Variants in ADAMTS14 observed in about 807,000 individuals in gnomAD.
ADAMTS14 encodes the protein A disintegrin and metalloproteinase with thrombospondin motifs 14.
A neutral mutation model predicts 128.6 loss-of-function variants in ADAMTS14; 100 were observed. The ratio of observed to expected loss-of-function variants is 0.78; its 90% CI spans 0.66 to 0.92. The LOEUF is 0.92. Ranked by LOEUF, ADAMTS14 falls within the 40% of genes least tolerant of loss-of-function variation. The pLI is 0.00. For missense variants in ADAMTS14, 1,562 were observed against 1,658.6 expected (o/e 0.94, Z 1.01); for synonymous variants, 665 against 653.8 (o/e 1.02, Z -0.26).
Position 70,741,073 on chromosome 10 carries a change from A to T in ADAMTS14, c.1835A>T (p.Asp612Val), listed in dbSNP as rs1287179571. ...GAGGAGTGCCCTGGGACCTACGAGG[A>T]CTTCCGGGCCCAGCAGTGTGCCAAG... is the stretch of plus-strand genomic sequence containing the variant. Reference protein sequence around the residue: ...NSEECPGTYEDFRAQQCAKRN... With the variant: ...NSEECPGTYEVFRAQQCAKRN... Residue 612 changes from aspartate to valine, a missense_variant, in exon 12 of 22, where the codon GAC becomes GTC. Physicochemically the swap from Asp to Val is radical, Grantham distance 152. Coordinates refer to ENST00000373207, the MANE Select transcript of ADAMTS14 (RefSeq NM_080722.4). 6.2e-7 allele frequency: 1 copy of T among 1,613,920 alleles called. No individual in the cohort carries two copies. Among genetic ancestry groups the T allele is most frequent in the Admixed American group, 1.7e-5 (1 of 60,018 alleles).
At chr10:70,715,563 CAATG>C (rs777206275) in intron 4 of ADAMTS14, among the ~76,000 whole-genome samples, 4 of 152,146 alleles carry the variant, frequency 2.6e-5, no homozygotes, top group South Asian at 4.2e-4. Context: ...ATGGGAAAAA[CAATG>C]AAACCCACTG....
Position 70,741,007 on chromosome 10 carries a change from T to C in ADAMTS14, c.1769T>C (p.Leu590Pro), listed in dbSNP as rs10823607. 0.86 allele frequency: 1,381,226 copies of C among 1,613,930 alleles called. 593,328 individuals are homozygous for C. Among genetic ancestry groups the C allele is most frequent in the East Asian group, 0.92 (41,351 of 44,874 alleles). ...NNPSPAYGGR[L>P]CLGPMFEYQV... is the part of the protein sequence containing the mutation. Reference sequence around the variant, plus strand: ...CCCAGCCCAGCCTATGGAGGCCGCCTGTGCTTAGGGCCCATGTTCGAGTAC... The same window carrying C: ...CCCAGCCCAGCCTATGGAGGCCGCCCGTGCTTAGGGCCCATGTTCGAGTAC... Residue 590 changes from leucine (L) to proline (P), a missense_variant, in exon 12 of 22, where the codon CTG (leucine) becomes CCG (proline). Transcript: ENST00000373207.
intron 19 of ADAMTS14, among the ~76,000 whole-genome samples, chr10:70,757,606 G>A (rs1434068487): frequency 6.6e-6 from 1 of 152,152 alleles, no homozygotes; most frequent in African/African-American, 2.4e-5. Flanking sequence ...AAAGAACCCA[G>A]GCACAGACCA....
At chr10:70,759,882 A>G (rs1842564475) in intron 21 of ADAMTS14, among the ~76,000 whole-genome samples, 1 of 152,104 alleles carries the variant, frequency 6.6e-6, no homozygotes, top group African/African-American at 2.4e-5. Context: ...CACACCCTAG[A>G]TTGTCCAGTG....
intron 13 of ADAMTS14, 151 bp downstream of exon 13, chr10:70,743,832 G>A: frequency 7.7e-7 from 1 of 1,295,028 alleles, no homozygotes; most frequent in Non-Finnish European, 1.0e-6. Flanking sequence ...TGCTGGAAGG[G>A]GCTAATTATT....
intron 7 of ADAMTS14, among the ~76,000 whole-genome samples, 153 bp from the exon 8 acceptor site, chr10:70,733,732 C>T (rs1028282170): frequency 3.9e-5 from 6 of 152,182 alleles, no homozygotes; most frequent in Non-Finnish European, 7.3e-5. Flanking sequence ...AAGATTGGTC[C>T]TCCCCACTAC....
chr10:70,706,376 G>T (rs548106073), intron 3 of ADAMTS14, among the ~76,000 whole-genome samples: 2 of 152,332 alleles, frequency 1.3e-5, no homozygotes, highest in East Asian at 3.9e-4. Context: ...GGGCTCTGAG[G>T]GGTCAAGTGT....
intron 15 of ADAMTS14, among the ~76,000 whole-genome samples, chr10:70,746,673 C>T (rs187270573): frequency 7.9e-5 from 12 of 152,244 alleles, no homozygotes; most frequent in Admixed American, 2.0e-4. Flanking sequence ...ATCAGCTAGG[C>T]GTGGTGGTGC....
At chr10:70,685,902 G>C (rs190406262) in intron 2 of ADAMTS14, among the ~76,000 whole-genome samples, 1 of 152,140 alleles carries the variant, frequency 6.6e-6, no homozygotes, top group South Asian at 2.1e-4. Flanking sequence ...TAACTTCTGC[G>C]TGTCATTGTC....
intron 12 of ADAMTS14, among the ~76,000 whole-genome samples, chr10:70,742,873 C>T (rs1361114148): frequency 2.0e-5 from 3 of 152,228 alleles, no homozygotes; most frequent in Non-Finnish European, 4.4e-5. Flanking sequence ...TCTCTTTCTC[C>T]CTGACTGTTG....
At chr10:70,718,392 G>A (rs1187884280) in intron 4 of ADAMTS14, among the ~76,000 whole-genome samples, 1 of 151,766 alleles carries the variant, frequency 6.6e-6, no homozygotes, top group Non-Finnish European at 1.5e-5. Flanking sequence ...TTATTTAAAA[G>A]TTATTTTATT....
intron 17 of ADAMTS14, 66 bp from the exon 18 acceptor site, chr10:70,752,029 G>A: frequency 4.5e-6 from 7 of 1,560,704 alleles, no homozygotes; most frequent in Non-Finnish European, 6.1e-6. Flanking sequence ...TACTGCCCCT[G>A]AGGCCCCACC....
Position 70,716,709 on chromosome 10 carries a change from G to C in ADAMTS14, c.870+7931G>C, listed in dbSNP as rs1012383056. On this transcript the variant is annotated intron_variant, in intron 4 of 21. Transcript: ENST00000373207. ...TTTCTGATCCTGATTTCCGGGGCCA[G>C]GTCTGGGCTGGCGGGACCAGAGGGA... Among the ~76,000 whole-genome samples, 4 of 152,220 alleles carry C rather than the reference G, an allele frequency of 2.6e-5. No homozygotes were observed. The South Asian group carries it at 6.2e-4, about 24-fold the overall frequency.
Position 70,729,311 on chromosome 10 carries a change from C to T in ADAMTS14, c.888C>T (p.His296=), listed in dbSNP as rs35906753. The change falls in exon 5 of 22, where the codon CAC becomes CAT. Residue 296 remains histidine (H), a synonymous_variant. Transcript: ENST00000373207. ...TCTTGCAGGTAGATGAGATTTACCA[C>T]GATGAGTCCCTGGGGGTTCATATAA... ...TLMNIVDEIY[H]DESLGVHINI... 3.6e-4 allele frequency: 588 copies of T among 1,613,810 alleles called. 2 individuals are homozygous for T. The African/African-American group carries it at 6.6e-3, about 18-fold the overall frequency.
intron 21 of ADAMTS14, among the ~76,000 whole-genome samples, chr10:70,759,132 T>TGTA (rs147146770): frequency 8.1e-6 from 1 of 123,048 alleles, no homozygotes. Flanking sequence ...AATCTTCTAC[T>TGTA]TCTCTGCTCC....
intron 11 of ADAMTS14, among the ~76,000 whole-genome samples, chr10:70,740,385 C>G (rs1351313432): frequency 1.3e-5 from 2 of 152,178 alleles, no homozygotes; most frequent in Non-Finnish European, 2.9e-5. Flanking sequence ...TCTTACTATT[C>G]TTCACAGACA....
intron 11 of ADAMTS14, among the ~76,000 whole-genome samples, chr10:70,739,374 C>T (rs1841925341): frequency 6.6e-6 from 1 of 152,108 alleles, no homozygotes; most frequent in Non-Finnish European, 1.5e-5. Context: ...ACTTTGTTTT[C>T]TACCACATGG....
intron 2 of ADAMTS14, among the ~76,000 whole-genome samples, chr10:70,688,640 C>T (rs10450301): frequency 0.015 from 1,452 of 99,348 alleles, no homozygotes; most frequent in East Asian, 0.031. Context: ...CCGAGGTTGG[C>T]GGATCACTCG....
chr10:70,696,191 G>T (rs1050199738), intron 2 of ADAMTS14, among the ~76,000 whole-genome samples: 1 of 152,160 alleles, frequency 6.6e-6, no homozygotes, highest in East Asian at 1.9e-4. Flanking sequence ...AGCTGGAAAG[G>T]GGGTGCTAGC....
Sources: gnomAD v4.1 joint callset for allele counts (sites outside exome capture counted in the v4.1 genomes callset) on GRCh38, gnomAD v4.1.1 for gene constraint, MANE v1.5 for transcripts, NCBI Gene and HGNC (gene_info 2026-07-23, HGNC 2026-07-21) for gene names.